KIRREL3: variants seen among roughly 807,000 people sequenced by gnomAD.
KIRREL3 encodes kin of IRRE-like protein 3.
In KIRREL3, 36 loss-of-function variants were observed where a neutral mutation model predicts 89.7. The observed-to-expected ratio is 0.40, with a 90% confidence interval of 0.31 to 0.53. KIRREL3 has a LOEUF of 0.53. Among genes scored for constraint, KIRREL3 ranks in the 20% least tolerant of loss-of-function variants. The pLI is 0.49. For synonymous variants in KIRREL3, 445 were observed against 441.4 expected, an observed-to-expected ratio of 1.01 and a Z score of -0.10; for missense variants, 864 against 1,056.6, an observed-to-expected ratio of 0.82 and a Z score of 2.53.
At chr11:126,919,355 G>C (rs1238644215) in intron 1 of KIRREL3, among the ~76,000 whole-genome samples, 1 of 152,150 alleles carries the variant, frequency 6.6e-6, no homozygotes, top group African/African-American at 2.4e-5. Context: ...AGTTCCAGTT[G>C]AGTAATTAAA....
At chr11:126,801,753 T>C (rs915011402) in intron 1 of KIRREL3, among the ~76,000 whole-genome samples, 5 of 152,176 alleles carry the variant, frequency 3.3e-5, no homozygotes, top group Non-Finnish European at 5.9e-5. Context: ...TGGCCTGTAA[T>C]AAATTCTTAG....
chr11:126,467,061 G>T (rs182701768), intron 5 of KIRREL3, among the ~76,000 whole-genome samples: 1 of 152,374 alleles, frequency 6.6e-6, no homozygotes, highest in East Asian at 1.9e-4. Context: ...CATATAGATG[G>T]CGTGTGTGCA....
chr11:126,456,505 G>A (rs1956350499), intron 6 of KIRREL3, 51 bp from the exon 7 acceptor site: 1 of 1,226,578 alleles, frequency 8.2e-7, no homozygotes, highest in Non-Finnish European at 1.2e-6. Flanking sequence ...TGGGGGCAGG[G>A]AGATCCTGGG....
At chr11:126,937,554 G>A (rs145104395) in intron 1 of KIRREL3, among the ~76,000 whole-genome samples, 223 of 152,220 alleles carry the variant, frequency 1.5e-3, no homozygotes, top group Middle Eastern at 3.4e-3. Context: ...ACAGATACTC[G>A]GTCTCTTCCT....
chr11:126,871,920 G>A (rs1254993284), intron 1 of KIRREL3, among the ~76,000 whole-genome samples: 10 of 152,222 alleles, frequency 6.6e-5, no homozygotes, highest in African/African-American at 2.4e-4. Flanking sequence ...TGCCATCAGA[G>A]AGTGGAAGAG....
intron 1 of KIRREL3, among the ~76,000 whole-genome samples, chr11:126,972,035 T>C (rs1460582537): frequency 2.0e-5 from 3 of 152,166 alleles, no homozygotes; most frequent in East Asian, 3.9e-4. Context: ...TGATTTCTCT[T>C]GTTTGGAAAG....
rs375873911 is a variant in KIRREL3 at position 126,854,126 on chromosome 11, TTGTGTGTGTG to T, written c.55+146319_55+146328del. Among the ~76,000 whole-genome samples the T allele has an allele frequency of 5.6e-3, 809 of 144,014 alleles. 7 individuals carry two copies. Among genetic ancestry groups the T allele is most frequent in the Non-Finnish European group, 9.1e-3 (602 of 66,326 alleles). 94.5% of individuals were successfully genotyped at this position (144,014 alleles called of 152,430 possible). On this transcript the variant is annotated intron_variant, in intron 1 of 16. Coordinates refer to ENST00000525144, the MANE Select transcript of KIRREL3 (RefSeq NM_032531.4). Reference sequence around the variant, plus strand: ...CTAAACTCTTCCAGTAATAAGTTTCTTGTGTGTGTGTGTGTGTGTGTGTGTGTGTGTGTAT... The same window carrying T: ...CTAAACTCTTCCAGTAATAAGTTTCTTGTGTGTGTGTGTGTGTGTGTGTAT...
At chr11:126,648,229 C>T (rs973346541) in intron 1 of KIRREL3, among the ~76,000 whole-genome samples, 10 of 152,194 alleles carry the variant, frequency 6.6e-5, no homozygotes, top group African/African-American at 1.7e-4. Flanking sequence ...CCTACAGAAC[C>T]GTGAGTCAAT....
At position 126,772,785 on chromosome 11, in the gene KIRREL3, G is replaced by A. The variant is rs1592106307; in HGVS notation, c.56-209873C>T. ...TGCCTTCTGCTTCCTCCTGCCCTGA[G>A]GAGTTTCTTCCTCTGATTCCTTGGT... On this transcript the variant is annotated intron_variant, in intron 1 of 16. Coordinates refer to ENST00000525144, the MANE Select transcript of KIRREL3 (RefSeq NM_032531.4). This position sits in a 1 kb window ranked among gnomAD's most constrained non-coding sequence, Gnocchi z 4.6. 6.6e-6 allele frequency among the ~76,000 whole-genome samples: 1 copy of A among 152,284 alleles called. No individual in the cohort carries two copies. The highest frequency in any genetic ancestry group is 1.9e-4 in the East Asian group (1 of 5,172).
rs1012061623 is a variant in KIRREL3 at position 126,696,310 on chromosome 11, T to A, written c.56-133398A>T. The stretch of plus-strand genomic sequence containing the variant: ...GGCCTAGTGCTTCCTTATTGCTTAA[T>A]TAACCCTTCTCCCTTTCTTTGACCC... On this transcript the variant is annotated intron_variant, in intron 1 of 16. Transcript: ENST00000525144. This position sits in a 1 kb window ranked among gnomAD's most constrained non-coding sequence, Gnocchi z 4.4. Among the ~76,000 whole-genome samples, 1 of 151,800 alleles carries A rather than the reference T, an allele frequency of 6.6e-6. No individual in the cohort carries two copies. The highest frequency in any genetic ancestry group is 2.4e-5 in the African/African-American group (1 of 41,316).
intron 1 of KIRREL3, among the ~76,000 whole-genome samples, chr11:126,868,329 C>A (rs551600854): frequency 2.6e-5 from 4 of 152,166 alleles, no homozygotes; most frequent in African/African-American, 7.2e-5. Context: ...TGGATAAGGG[C>A]GTTAGAGGAC....
chr11:126,763,261 C>T lies in KIRREL3; in HGVS notation c.56-200349G>A, dbSNP rs535659090. ...TTTCTGGAACATCTCCCAATGTCGG[C>T]GTTCTGTGATGTGACAATTCCATGA... On this transcript the variant is annotated intron_variant, in intron 1 of 16. Transcript: ENST00000525144. This position sits in a 1 kb window ranked among gnomAD's most constrained non-coding sequence, Gnocchi z 4.7. Among the ~76,000 whole-genome samples, 9 of 152,136 alleles carry T rather than the reference C, an allele frequency of 5.9e-5. No homozygotes were observed. Among genetic ancestry groups the T allele is most frequent in the Non-Finnish European group, 1.0e-4 (7 of 68,016 alleles).
At position 126,752,844 on chromosome 11, in the gene KIRREL3, G is replaced by A. The variant is rs939593060; in HGVS notation, c.56-189932C>T. Among the ~76,000 whole-genome samples the A allele has an allele frequency of 6.6e-5, 10 of 152,302 alleles. No homozygotes were observed. Among genetic ancestry groups the A allele is most frequent in the South Asian group, 2.1e-4 (1 of 4,822 alleles). On this transcript the variant is annotated intron_variant, in intron 1 of 16. Transcript: ENST00000525144. This position sits in a 1 kb window ranked among gnomAD's most constrained non-coding sequence, Gnocchi z 4.8. ...GCTGGAAAGGTGGTGTTGGAGGCAC[G>A]GAAATGTTGATGGAGAAAAGCCCTC...
In KIRREL3 at chr11:126,723,602, A is replaced by G. The variant is rs761600326; in HGVS notation, c.56-160690T>C. Among the ~76,000 whole-genome samples the G allele has an allele frequency of 1.5e-4, 23 of 152,202 alleles. No individual in the cohort carries two copies. Among genetic ancestry groups the G allele is most frequent in the Non-Finnish European group, 2.8e-4 (19 of 68,038 alleles). On this transcript the variant is annotated intron_variant, in intron 1 of 16. Coordinates refer to ENST00000525144, the MANE Select transcript of KIRREL3 (RefSeq NM_032531.4). This position sits in a 1 kb window ranked among gnomAD's most constrained non-coding sequence, Gnocchi z 4.0. The stretch of plus-strand genomic sequence containing the variant: ...AAAGGCCTTAGTGGATCTCAACTTC[A>G]GCAAACAGAACATTTTCTACTTTTC...
At chr11:126,765,199 G>A (rs965523807) in intron 1 of KIRREL3, among the ~76,000 whole-genome samples, 1 of 152,122 alleles carries the variant, frequency 6.6e-6, no homozygotes, top group Non-Finnish European at 1.5e-5. Context: ...CCGTGGCTCT[G>A]CCAGTTCTTT....
intron 1 of KIRREL3, among the ~76,000 whole-genome samples, chr11:126,707,219 T>C: frequency 6.6e-6 from 1 of 151,538 alleles, no homozygotes; most frequent in Non-Finnish European, 1.5e-5. Context: ...GTGTTTGGAT[T>C]GCAGACATAA....
chr11:126,569,462 G>A lies in KIRREL3; in HGVS notation c.56-6550C>T, dbSNP rs1261000367. ...CATTAATAAATGTGACTGGTGTAAA[G>A]TCCAAGGCACAGACACTCGCAAAGA... is the stretch of plus-strand genomic sequence containing the variant. On this transcript the variant is annotated intron_variant, in intron 1 of 16. Transcript: ENST00000525144. This position sits in a 1 kb window ranked among gnomAD's most constrained non-coding sequence, Gnocchi z 6.5. Among the ~76,000 whole-genome samples, 1 of 152,216 alleles carries A rather than the reference G, an allele frequency of 6.6e-6. No individual in the cohort carries two copies. The highest frequency in any genetic ancestry group is 1.5e-5 in the Non-Finnish European group (1 of 68,042).
intron 1 of KIRREL3, among the ~76,000 whole-genome samples, chr11:126,841,966 C>T (rs145812593): frequency 1.2e-3 from 180 of 152,294 alleles, no homozygotes; most frequent in African/African-American, 4.1e-3. Context: ...CCTTGCTTCC[C>T]GTTTTTTTCT....
At chr11:126,956,905 G>T (rs543656230) in intron 1 of KIRREL3, among the ~76,000 whole-genome samples, 1 of 152,180 alleles carries the variant, frequency 6.6e-6, no homozygotes, top group Non-Finnish European at 1.5e-5. Context: ...ACAGAGGCGC[G>T]AAAACAGGTC....
Sources: gnomAD v4.1 joint callset for allele counts (sites outside exome capture counted in the v4.1 genomes callset) on GRCh38, gnomAD v4.1.1 for gene constraint, Gnocchi (gnomAD v3.1) non-coding constraint, MANE v1.5 for transcripts, NCBI Gene and HGNC (gene_info 2026-07-23, HGNC 2026-07-21) for gene names.